Variants in SYNE2 observed in about 807,000 individuals in gnomAD.
SYNE2 encodes the protein spectrin repeat containing nuclear envelope protein 2.
In SYNE2, 431 loss-of-function variants were observed where a neutral mutation model predicts 856.3. The ratio of observed to expected loss-of-function variants is 0.50; its 90% CI spans 0.47 to 0.55. The LOEUF is 0.55. Among genes scored for constraint, SYNE2 ranks in the 20% least tolerant of loss-of-function variants. The probability of loss-of-function intolerance (pLI) is 0.00; values close to 1 mark genes in which losing one functional copy is unlikely to be tolerated. For missense variants in SYNE2, 8,129 were observed against 8,023.2 expected (o/e 1.01, Z -0.50); for synonymous variants, 2,923 against 2,872.3 (o/e 1.02, Z -0.56).
At chr14:64,216,496 T>C (rs1440462150) in intron 108 of SYNE2, 109 bp downstream of exon 108, 11 of 1,286,214 alleles carry the variant, frequency 8.6e-6, no homozygotes, top group Admixed American at 1.7e-5. Context: ...CCCAGGCATA[T>C]TTTGAGTTGG....
chr14:63,829,226 A>G (rs146968905), intron 1 of SYNE2, among the ~76,000 whole-genome samples: 19 of 152,236 alleles, frequency 1.2e-4, no homozygotes, highest in Admixed American at 7.9e-4. Context: ...TAGCCTGAGC[A>G]ACATAATGAG....
intron 96 of SYNE2, among the ~76,000 whole-genome samples, chr14:64,183,967 G>T (rs1025085882): frequency 1.4e-5 from 2 of 138,006 alleles, no homozygotes. Context: ...GAGGGAGGGG[G>T]TGGGGAGGGG....
chr14:64,053,154 C>A lies in SYNE2; in HGVS notation c.9241C>A (p.Arg3081=). ...TCCTGATAGCTCTCCGGAAAGCAGA[C>A]GGCTCAATGCCCAAATTTTAAGTCA... ...KAPDSSPESR[R]LNAQILSQRI... The change falls in exon 48 of 116, where the codon CGG becomes AGG. Residue 3081 remains arginine (R), a synonymous_variant. Transcript: ENST00000555002. 1 of 1,614,060 alleles carries A rather than the reference C, an allele frequency of 6.2e-7. No individual in the cohort carries two copies. The highest frequency in any genetic ancestry group is 2.2e-5 in the East Asian group (1 of 44,872).
intron 96 of SYNE2, among the ~76,000 whole-genome samples, chr14:64,180,091 A>G (rs1296696831): frequency 5.9e-5 from 9 of 152,218 alleles, no homozygotes; most frequent in Non-Finnish European, 1.2e-4. Context: ...TTTTATTCGT[A>G]TGGATAGCCA....
chr14:63,962,221 G>T (rs1199958189), intron 9 of SYNE2, among the ~76,000 whole-genome samples: 1 of 151,468 alleles, frequency 6.6e-6, no homozygotes, highest in East Asian at 2.0e-4. Flanking sequence ...ATACCCGGCT[G>T]ATTTTTGTAT....
At position 64,202,811 on chromosome 14, in the gene SYNE2, C is replaced by G; in HGVS notation, c.18049C>G (p.Leu6017Val). The part of the protein sequence containing the change: ...FDVIGSRVKK[L>V]KETFAFIQQL... Reference sequence around the variant, plus strand: ...TGCAAATATGTGTAGGGTGAAGAAGCTGAAGGAGACCTTTGCTTTTATTCA... The same window carrying G: ...TGCAAATATGTGTAGGGTGAAGAAGGTGAAGGAGACCTTTGCTTTTATTCA... Residue 6017 changes from leucine to valine, a missense_variant, in exon 100 of 116, where the codon CTG becomes GTG. This residue lies in a region of SYNE2 where 5,410 missense variants were observed against 5,284.8 expected (regional missense o/e 1.02). Coordinates refer to ENST00000555002, the MANE Select transcript of SYNE2 (RefSeq NM_182914.3). The G allele has an allele frequency of 6.2e-7, 1 of 1,614,002 alleles. No individual in the cohort carries two copies.
intron 90 of SYNE2, among the ~76,000 whole-genome samples, chr14:64,166,314 C>G (rs1213206161): frequency 6.6e-6 from 1 of 152,150 alleles, no homozygotes; most frequent in African/African-American, 2.4e-5. Flanking sequence ...CCACAAATGC[C>G]TAAAATATTT....
intron 17 of SYNE2, 126 bp from the exon 18 acceptor site, chr14:63,983,611 T>G (rs2153476022): frequency 1.3e-6 from 1 of 790,252 alleles, no homozygotes; most frequent in South Asian, 1.7e-5. Flanking sequence ...GCTCATATTT[T>G]ATAACACTGT....
At chr14:63,869,479 G>A (rs1272278459) in intron 1 of SYNE2, among the ~76,000 whole-genome samples, 2 of 151,484 alleles carry the variant, frequency 1.3e-5, no homozygotes, top group East Asian at 1.9e-4. Context: ...AAAATTAGCC[G>A]GGCGTGGTGG....
intron 51 of SYNE2, among the ~76,000 whole-genome samples, chr14:64,070,309 A>C (rs2097395757): frequency 6.6e-6 from 1 of 152,226 alleles, no homozygotes; most frequent in African/African-American, 2.4e-5. Context: ...TAGTGAAAGC[A>C]GTTTGGTGGA....
chr14:63,944,087 A>T (rs996472381), intron 6 of SYNE2, among the ~76,000 whole-genome samples: 2 of 151,604 alleles, frequency 1.3e-5, no homozygotes, highest in African/African-American at 2.4e-5. Flanking sequence ...ATAATTAAAA[A>T]TTTTAATATA....
intron 112 of SYNE2, among the ~76,000 whole-genome samples, chr14:64,222,733 T>G (rs1262166828): frequency 6.6e-6 from 1 of 151,752 alleles, no homozygotes; most frequent in Non-Finnish European, 1.5e-5. Flanking sequence ...CTCAAAAAAA[T>G]AAATAAATGA....
chr14:63,879,053 A>AT (rs2140558032), intron 1 of SYNE2, among the ~76,000 whole-genome samples: 1 of 152,032 alleles, frequency 6.6e-6, no homozygotes, highest in East Asian at 1.9e-4. Context: ...TACCAAAAAA[A>AT]GCTCAGTTGG....
At chr14:63,866,897 A>G (rs1895485321) in intron 1 of SYNE2, among the ~76,000 whole-genome samples, 1 of 152,202 alleles carries the variant, frequency 6.6e-6, no homozygotes, top group South Asian at 2.1e-4. Context: ...GCTTGAGCCC[A>G]GAAGATGGAG....
chr14:63,910,781 G>C (rs530185923), intron 2 of SYNE2, among the ~76,000 whole-genome samples: 4 of 152,244 alleles, frequency 2.6e-5, no homozygotes, highest in Admixed American at 2.6e-4. Flanking sequence ...GGAGACAAAG[G>C]GGCTTAGCAC....
At chr14:64,004,073 G>A (rs2096775990) in intron 30 of SYNE2, among the ~76,000 whole-genome samples, 2 of 151,926 alleles carry the variant, frequency 1.3e-5, no homozygotes, top group African/African-American at 2.4e-5. Flanking sequence ...TCAACAGGCT[G>A]GAGTTCAGTG....
chr14:63,978,340 C>G (rs565314788), intron 13 of SYNE2, among the ~76,000 whole-genome samples: 1 of 152,152 alleles, frequency 6.6e-6, no homozygotes, highest in Non-Finnish European at 1.5e-5. Flanking sequence ...TTGCCCTGTC[C>G]AGGTCTCACC....
At chr14:64,130,563 T>C (rs569913705) in intron 76 of SYNE2, among the ~76,000 whole-genome samples, 1 of 152,336 alleles carries the variant, frequency 6.6e-6, no homozygotes, top group East Asian at 1.9e-4. Context: ...GAGCATTTAA[T>C]AGCAGAAGGT....
chr14:64,072,416 A>G (rs576010716), intron 52 of SYNE2, among the ~76,000 whole-genome samples: 22 of 152,154 alleles, frequency 1.4e-4, no homozygotes, highest in Admixed American at 3.3e-4. Flanking sequence ...GCATCAGATC[A>G]CACAGGCTGG....
Sources: gnomAD v4.1 joint callset for allele counts (sites outside exome capture counted in the v4.1 genomes callset) on GRCh38, gnomAD v4.1.1 for gene constraint, gnomAD v4.1.1 regional missense constraint, MANE v1.5 for transcripts, NCBI Gene and HGNC (gene_info 2026-07-23, HGNC 2026-07-21) for gene names.